The following ENPP6 variants were observed in gnomAD, a reference collection of about 807,000 sequenced individuals.
The protein encoded by ENPP6 is glycerophosphocholine cholinephosphodiesterase ENPP6.
ENPP6 carries 32 observed loss-of-function variants against 42.0 expected under a neutral mutation model. That is an observed-to-expected ratio of 0.76 (90% CI 0.58 to 1.02). The LOEUF is 1.02. ENPP6 is among the 50% of genes least tolerant of loss of function. The pLI is 0.00. For missense variants in ENPP6, 552 were observed against 566.8 expected (o/e 0.97, Z 0.27); for synonymous variants, 213 against 216.0 (o/e 0.99, Z 0.12).
chr4:184,107,711 C>T (rs531119619), intron 6 of ENPP6, among the ~76,000 whole-genome samples: 11 of 152,232 alleles, frequency 7.2e-5, no homozygotes, highest in South Asian at 4.1e-4. Context: ...GTCAGGAGAT[C>T]GAGAACATCC....
chr4:184,203,809 A>G (rs1732943234), intron 1 of ENPP6, among the ~76,000 whole-genome samples: 1 of 152,210 alleles, frequency 6.6e-6, no homozygotes, highest in Non-Finnish European at 1.5e-5. Flanking sequence ...AGAAGTCACC[A>G]GAAACTCTCA....
chr4:184,093,869 A>G (rs1297608771), intron 7 of ENPP6, among the ~76,000 whole-genome samples: 1 of 152,082 alleles, frequency 6.6e-6, no homozygotes, highest in Non-Finnish European at 1.5e-5. Flanking sequence ...TCTTCTTCTC[A>G]TGTGACCTGG....
intron 2 of ENPP6, among the ~76,000 whole-genome samples, chr4:184,131,140 A>ACTTTCTTTCTTTCTTTCTTTCTCTTT (rs1736605372): frequency 1.1e-4 from 13 of 121,630 alleles, no homozygotes; most frequent in Non-Finnish European, 2.0e-4. Flanking sequence ...ACCAGCACTT[A>ACTTTCTTTCTTTCTTTCTTTCTCTTT]CTTTCTTTCT....
At chr4:184,163,493 T>C (rs980971632) in intron 1 of ENPP6, among the ~76,000 whole-genome samples, 3 of 152,122 alleles carry the variant, frequency 2.0e-5, no homozygotes, top group South Asian at 2.1e-4. Context: ...ATGGTTACAG[T>C]TGGACTCTGG....
intron 2 of ENPP6, among the ~76,000 whole-genome samples, chr4:184,153,210 C>A (rs1737087503): frequency 6.6e-6 from 1 of 151,372 alleles, no homozygotes; most frequent in Admixed American, 6.6e-5. Context: ...ACCACAACCT[C>A]CGCCTCCTGG....
chr4:184,206,904 T>C (rs1733009911), intron 1 of ENPP6, among the ~76,000 whole-genome samples: 1 of 152,226 alleles, frequency 6.6e-6, no homozygotes, highest in Non-Finnish European at 1.5e-5. Flanking sequence ...ATCTCTATCC[T>C]TGGGTCTCAG....
intron 5 of ENPP6, among the ~76,000 whole-genome samples, chr4:184,115,514 T>G (rs1041576855): frequency 6.6e-6 from 1 of 152,212 alleles, no homozygotes; most frequent in African/African-American, 2.4e-5. Context: ...AGCAGAGCTT[T>G]GTCCCCCATC....
chr4:184,097,553 A>G lies in ENPP6; in HGVS notation c.994-185T>C, dbSNP rs528399141. 2.6e-5 allele frequency among the ~76,000 whole-genome samples: 4 copies of G among 152,242 alleles called. No homozygotes were observed. In the South Asian group the frequency reaches 6.2e-4, roughly 24 times the overall value. ...CCGCTCAGACCTCGGGCAGCAGCCT[A>G]TTCGATTGCTAAGCGCTGTGGTTAA... On this transcript the variant is annotated intron_variant, in intron 6 of 7. Coordinates refer to ENST00000296741, the MANE Select transcript of ENPP6 (RefSeq NM_153343.4).
chr4:184,131,307 CCTTT>C (rs1485384045), intron 2 of ENPP6, among the ~76,000 whole-genome samples: 3 of 144,074 alleles, frequency 2.1e-5, no homozygotes, highest in Admixed American at 7.1e-5. Context: ...TTCCTTCCTT[CCTTT>C]CTCTCTCCTC....
chr4:184,119,149 G>A (rs1183402420), intron 3 of ENPP6, among the ~76,000 whole-genome samples: 1 of 152,162 alleles, frequency 6.6e-6, no homozygotes, highest in Non-Finnish European at 1.5e-5. Context: ...TTCAGACTCC[G>A]GAAACGTAGC....
intron 1 of ENPP6, among the ~76,000 whole-genome samples, chr4:184,163,758 A>T (rs998724110): frequency 6.6e-6 from 1 of 152,210 alleles, no homozygotes; most frequent in Non-Finnish European, 1.5e-5. Flanking sequence ...TCTGAGGCCT[A>T]TGTGTGTTTC....
chr4:184,109,954 T>G (rs917645235), intron 6 of ENPP6, among the ~76,000 whole-genome samples: 1 of 152,110 alleles, frequency 6.6e-6, no homozygotes, highest in African/African-American at 2.4e-5. Flanking sequence ...AGCAGGTACT[T>G]GGATCCACAG....
intron 1 of ENPP6, among the ~76,000 whole-genome samples, chr4:184,206,540 GC>G (rs1432725096): frequency 6.6e-6 from 1 of 152,066 alleles, no homozygotes; most frequent in East Asian, 1.9e-4. Flanking sequence ...ACAGGCGTGA[GC>G]CACCGCGCCC....
chr4:184,200,915 TC>T (rs895040229), intron 1 of ENPP6, among the ~76,000 whole-genome samples: 1 of 152,172 alleles, frequency 6.6e-6, no homozygotes, highest in African/African-American at 2.4e-5. Context: ...AGTTCCTTCA[TC>T]AAGAAGTAAA....
At chr4:184,108,874 C>A (rs1488645622) in intron 6 of ENPP6, among the ~76,000 whole-genome samples, 1 of 152,200 alleles carries the variant, frequency 6.6e-6, no homozygotes, top group Non-Finnish European at 1.5e-5. Flanking sequence ...AGCTCAGAAC[C>A]ACATGTGTGT....
At chr4:184,120,928 C>T (rs1034370365) in intron 3 of ENPP6, among the ~76,000 whole-genome samples, 5 of 152,162 alleles carry the variant, frequency 3.3e-5, no homozygotes, top group African/African-American at 9.7e-5. Context: ...TCTCAGGCAC[C>T]GTGTCCCCAA....
intron 1 of ENPP6, among the ~76,000 whole-genome samples, chr4:184,171,129 C>T (rs1173641933): frequency 2.6e-5 from 4 of 152,224 alleles, no homozygotes; most frequent in African/African-American, 9.6e-5. Flanking sequence ...GGGAAAGCTC[C>T]TCTCTGCTGG....
intron 6 of ENPP6, among the ~76,000 whole-genome samples, chr4:184,105,230 T>TA (rs1052871228): frequency 1.4e-4 from 22 of 151,902 alleles, no homozygotes; most frequent in African/African-American, 5.3e-4. Flanking sequence ...GGGGTTGGGG[T>TA]AAGGAAGAAT....
At position 184,204,610 on chromosome 4, in the gene ENPP6, C is replaced by T. The variant is rs144267461; in HGVS notation, c.241+12969G>A. Reference sequence around the variant, plus strand: ...TGCTGACCACTGGTTCCTGGTTAAACTTTCTCCCACCATCCCCAGTCTCTT... The same window carrying T: ...TGCTGACCACTGGTTCCTGGTTAAATTTTCTCCCACCATCCCCAGTCTCTT... On this transcript the variant is annotated intron_variant, in intron 1 of 7. Coordinates refer to ENST00000296741, the MANE Select transcript of ENPP6 (RefSeq NM_153343.4). 5.2e-3 allele frequency among the ~76,000 whole-genome samples: 788 copies of T among 152,350 alleles called. 5 individuals are homozygous for T. The highest frequency in any genetic ancestry group is 7.0e-3 in the Non-Finnish European group (477 of 68,042).
Sources: allele counts gnomAD v4.1 joint callset (sites outside exome capture counted in the v4.1 genomes callset), GRCh38; gene constraint gnomAD v4.1.1; transcripts MANE v1.5; gene names NCBI Gene and HGNC (gene_info 2026-07-23, HGNC 2026-07-21).